The following GRHL1 variants were observed in gnomAD, a reference collection of about 807,000 sequenced individuals.
The protein encoded by GRHL1 is grainyhead-like protein 1 homolog.
In GRHL1, 38 loss-of-function variants were observed where a neutral mutation model predicts 75.7. The observed-to-expected ratio is 0.50, with a 90% confidence interval of 0.39 to 0.66. The LOEUF is 0.66. Among genes scored for constraint, GRHL1 ranks in the 30% least tolerant of loss-of-function variants. The pLI is 0.00. For synonymous variants in GRHL1, 266 were observed against 279.4 expected (o/e 0.95, Z 0.48); for missense variants, 589 against 767.5 (o/e 0.77, Z 2.75).
intron 8 of GRHL1, among the ~76,000 whole-genome samples, chr2:9,981,310 A>G (rs1369021061): frequency 6.6e-6 from 1 of 152,248 alleles, no homozygotes; most frequent in African/African-American, 2.4e-5. Flanking sequence ...GGCGAGTGAC[A>G]CATGGGCACA....
intron 8 of GRHL1, among the ~76,000 whole-genome samples, chr2:9,980,268 A>G (rs186377671): frequency 6.6e-6 from 1 of 152,026 alleles, no homozygotes; most frequent in African/African-American, 2.4e-5. Flanking sequence ...TGCTTCCTGG[A>G]AGAATCATTA....
chr2:9,972,192 CTTTT>C (rs79565280), intron 8 of GRHL1, among the ~76,000 whole-genome samples: 1 of 134,744 alleles, frequency 7.4e-6, no homozygotes, highest in Non-Finnish European at 1.6e-5. Flanking sequence ...ATTCCTTTTT[CTTTT>C]TTTTTTTTTT....
intron 8 of GRHL1, among the ~76,000 whole-genome samples, chr2:9,985,355 G>A (rs570620184): frequency 3.3e-5 from 5 of 152,264 alleles, no homozygotes; most frequent in Admixed American, 6.5e-5. Context: ...TTTAGTGATC[G>A]TTAAGTTCTC....
In GRHL1 at chr2:9,979,155, A is replaced by C. The variant is rs1242627909; in HGVS notation, c.1111-6969A>C. On this transcript the variant is annotated intron_variant, in intron 8 of 15. Transcript: ENST00000324907. ...AGCCTGGGCAAGACTCTCTCTCAAA[A>C]AAAAAAAAAAAAGGAAACCTTATCC... 2.7e-5 allele frequency among the ~76,000 whole-genome samples: 4 copies of C among 149,532 alleles called. No individual in the cohort carries two copies. The East Asian group carries it at 7.7e-4, about 29-fold the overall frequency.
chr2:9,993,348 A>T (rs933849241), intron 12 of GRHL1, 104 bp downstream of exon 12: 1 of 939,754 alleles, frequency 1.1e-6, no homozygotes, highest in African/African-American at 1.6e-5. Context: ...TCCCTGAGCC[A>T]TCAAGGATAA....
intron 14 of GRHL1, among the ~76,000 whole-genome samples, chr2:9,997,254 A>T (rs996525334): frequency 2.0e-5 from 3 of 152,178 alleles, no homozygotes; most frequent in Non-Finnish European, 4.4e-5. Flanking sequence ...AGTTAGGAAG[A>T]CACAGACACC....
intron 8 of GRHL1, among the ~76,000 whole-genome samples, chr2:9,981,108 G>A (rs1394823443): frequency 1.3e-5 from 2 of 152,222 alleles, no homozygotes; most frequent in Non-Finnish European, 2.9e-5. Context: ...GAGAGCTCTG[G>A]CTTGTGTTTC....
intron 15 of GRHL1, 27 bp downstream of exon 15, chr2:9,999,056 C>T: frequency 2.9e-6 from 4 of 1,358,550 alleles, no homozygotes; most frequent in Non-Finnish European, 4.1e-6. Context: ...TCCTGTGTAC[C>T]TCGGAAAGTG....
Position 9,954,790 on chromosome 2 carries a change from T to TTTA in GRHL1, c.21-123_21-122insATT, listed in dbSNP as rs1276720375. The TTTA allele has an allele frequency of 9.6e-6, 8 of 835,342 alleles. No homozygotes were observed. In the African/African-American group the frequency reaches 1.4e-4, roughly 14 times the overall value. 51.7% of individuals were successfully genotyped at this position (835,342 alleles called of 1,614,324 possible). ...GGTTTGTCTTCTGGTCTTGTCTTAA[T>TTTA]TTGACTTCCTAGGGTCATTGATGAA... On this transcript the variant is annotated intron_variant, in intron 1 of 15. Coordinates refer to ENST00000324907, the MANE Select transcript of GRHL1 (RefSeq NM_198182.3).
Position 9,964,222 on chromosome 2 carries a change from T to G in GRHL1, c.904-13T>G. ...TTTAGTGTCTTTATGTTGTAATGCA[T>G]TCTCTTTCACAGAGTGTGATCATGG... On this transcript the variant is annotated splice_polypyrimidine_tract_variant and intron_variant, in intron 6 of 15. Transcript: ENST00000324907. The G allele has an allele frequency of 6.5e-7, 1 of 1,531,276 alleles. No homozygotes were observed. The highest frequency in any genetic ancestry group is 9.0e-7 in the Non-Finnish European group (1 of 1,109,234). 94.9% of individuals were successfully genotyped at this position (1,531,276 alleles called of 1,614,324 possible).
intron 15 of GRHL1, 68 bp downstream of exon 15, chr2:9,999,097 A>AC (rs914131563): frequency 1.2e-5 from 8 of 688,608 alleles, no homozygotes; most frequent in Non-Finnish European, 1.5e-5. Context: ...AGTGTGACGC[A>AC]CCCCCCAGTG....
In GRHL1 at chr2:9,964,323, C is replaced by T; in HGVS notation, c.992C>T (p.Ala331Val). The T allele has an allele frequency of 6.2e-7, 1 of 1,601,756 alleles. No homozygotes were observed. The highest frequency in any genetic ancestry group is 8.6e-7 in the Non-Finnish European group (1 of 1,168,946). The change falls in exon 7 of 16, where the codon GCT (alanine) becomes GTT (valine). Residue 331 changes from alanine to valine, a missense_variant. Physicochemically the swap from Ala to Val is moderately conservative, Grantham distance 64. This residue lies in a region of GRHL1 where 362 missense variants were observed against 461.8 expected (regional missense o/e 0.78). Transcript: ENST00000324907. The part of the protein sequence containing the change: ...WKYWHSRQHT[A>V]KQRCIDIADY... ...TACTGGCACTCCCGGCAGCACACCG[C>T]TAAACAAAGATGCATTGACATAGGT...
At chr2:9,976,219 T>G in intron 8 of GRHL1, among the ~76,000 whole-genome samples, 1 of 152,124 alleles carries the variant, frequency 6.6e-6, no homozygotes, top group South Asian at 2.1e-4. Flanking sequence ...TGCACTCTAG[T>G]AAGCGTAGGG....
chr2:9,992,255 C>T lies in GRHL1; in HGVS notation c.1461+109C>T, dbSNP rs1668676964. 1.1e-6 allele frequency: 1 copy of T among 950,856 alleles called. No homozygotes were observed. Among genetic ancestry groups the T allele is most frequent in the Non-Finnish European group, 1.6e-6 (1 of 628,396 alleles). 58.9% of individuals were successfully genotyped at this position (950,856 alleles called of 1,614,324 possible). ...GAAGCCAAAATTGAGTGAGGTTTGA[C>T]CAGTTAGTCAGCTCTTTGGAATATT... On this transcript the variant is annotated intron_variant, in intron 11 of 15. Transcript: ENST00000324907. This position sits in a 1 kb window ranked among gnomAD's most constrained non-coding sequence, Gnocchi z 4.6.
At chr2:9,954,891 G>GTT (rs150405807) in intron 1 of GRHL1, 24 bp from the exon 2 acceptor site, 516 of 1,364,328 alleles carry the variant, frequency 3.8e-4, no homozygotes, top group Middle Eastern at 9.3e-4. Context: ...GTGTGTTTTT[G>GTT]TTTTTTTTTT....
chr2:9,978,805 A>G (rs1668061435), intron 8 of GRHL1, among the ~76,000 whole-genome samples: 1 of 152,176 alleles, frequency 6.6e-6, no homozygotes, highest in Non-Finnish European at 1.5e-5. Context: ...AGCCTGGCCA[A>G]CATGGTGACG....
chr2:9,979,031 G>A (rs148553121), intron 8 of GRHL1, among the ~76,000 whole-genome samples: 33 of 150,564 alleles, frequency 2.2e-4, no homozygotes, highest in Non-Finnish European at 3.4e-4. Context: ...GTAGTGGTGC[G>A]CGCCTGTAAT....
chr2:9,980,810 G>C (rs946261348), intron 8 of GRHL1, among the ~76,000 whole-genome samples: 4 of 152,256 alleles, frequency 2.6e-5, no homozygotes, highest in Admixed American at 1.3e-4. Flanking sequence ...GGCTTTTTAA[G>C]TGTGCGTGCA....
chr2:9,998,453 TATATACATATATATAC>T lies in GRHL1; in HGVS notation c.1678-511_1678-496del, dbSNP rs1558319512. Among the ~76,000 whole-genome samples the T allele has an allele frequency of 3.0e-4, 21 of 70,828 alleles. 3 individuals carry two copies. The highest frequency in any genetic ancestry group is 7.1e-4 in the African/African-American group (10 of 14,160). 46.5% of individuals were successfully genotyped at this position (70,828 alleles called of 152,430 possible). On this transcript the variant is annotated intron_variant, in intron 14 of 15. Transcript: ENST00000324907. The stretch of plus-strand genomic sequence containing the variant: ...GTGTGTGTGTGTGTGTGTGTGTATA[TATATACATATATATAC>T]GTATATATATACATATATATACGTA...
Sources: gnomAD v4.1 joint callset for allele counts (sites outside exome capture counted in the v4.1 genomes callset) on GRCh38, gnomAD v4.1.1 for gene constraint, gnomAD v4.1.1 regional missense constraint, Gnocchi (gnomAD v3.1) non-coding constraint, MANE v1.5 for transcripts, NCBI Gene and HGNC (gene_info 2026-07-23, HGNC 2026-07-21) for gene names.